DISP2: variants seen among roughly 807,000 people sequenced by gnomAD.
DISP2 encodes the protein dispatched RND transporter family member 2, also known as protein dispatched homolog 2.
Under a neutral mutation model 95.5 loss-of-function variants are expected in DISP2, and 59 were observed. The observed-to-expected ratio is 0.62, with a 90% CI of 0.50 to 0.77. The LOEUF is 0.77. DISP2 is among the 30% of genes least tolerant of loss of function. The pLI is 0.00. For synonymous variants in DISP2, 827 were observed against 815.0 expected, an observed-to-expected ratio of 1.01 and a Z score of -0.25; for missense variants, 1,752 against 1,854.6, an observed-to-expected ratio of 0.94 and a Z score of 1.02.
At chr15:40,362,814 T>C (rs1220774045) in intron 1 of DISP2, among the ~76,000 whole-genome samples, 1 of 152,154 alleles carries the variant, frequency 6.6e-6, no homozygotes, top group African/African-American at 2.4e-5. Flanking sequence ...TCCAAGGCTC[T>C]AAGATGGGAA....
At position 40,358,461 on chromosome 15, in the gene DISP2, G is replaced by C. The variant is rs200405933; in HGVS notation, c.119+21G>C. 6.9e-4 allele frequency: 871 copies of C among 1,266,790 alleles called. 6 individuals are homozygous for C. The African/African-American group carries it at 0.01, about 15-fold the overall frequency. 78.5% of individuals were successfully genotyped at this position (1,266,790 alleles called of 1,614,324 possible). A position where few individuals can be genotyped will look rare whatever the true frequency, so the allele number is the denominator to read the frequency against. On this transcript the variant is annotated intron_variant, in intron 1 of 7. Transcript: ENST00000267889. ...GACAGGTAGGGCGGACAGCTCCGCA[G>C]ATCCGTATCACAGACCCTCCCAGAC... is the stretch of plus-strand genomic sequence containing the variant.
At position 40,369,978 on chromosome 15, in the gene DISP2, T is replaced by C; in HGVS notation, c.3866T>C (p.Leu1289Pro). 1 of 1,613,342 alleles carries C rather than the reference T, an allele frequency of 6.2e-7. No homozygotes were observed. The highest frequency in any genetic ancestry group is 8.5e-7 in the Non-Finnish European group (1 of 1,179,734). ...GGCTTCTGTTCCTCAGCCAGCACCCTGGAGGGGCTCAGCGTCTCTGATGAG... is the reference window on the plus strand; with the variant it reads ...GGCTTCTGTTCCTCAGCCAGCACCCCGGAGGGGCTCAGCGTCTCTGATGAG... ...PDGFCSSAST[L>P]EGLSVSDETC... Residue 1289 changes from leucine to proline, a missense_variant, in exon 8 of 8, where the codon CTG (leucine) becomes CCG (proline). Coordinates refer to ENST00000267889, the MANE Select transcript of DISP2 (RefSeq NM_033510.3).
intron 1 of DISP2, among the ~76,000 whole-genome samples, chr15:40,361,449 A>C (rs1275848748): frequency 6.6e-6 from 1 of 152,216 alleles, no homozygotes; most frequent in African/African-American, 2.4e-5. Flanking sequence ...CATATGTTAC[A>C]TCAGTTAATT....
rs1412836484 is a variant in DISP2, at chr15:40,364,171, C to CA, written c.450-54dup. ...TCCCACCCCACCTCCACCCCCAACA[C>CA]ACGCCCTCTGCAAGAGAACTCTGGC... On this transcript the variant is annotated intron_variant, in intron 2 of 7. Transcript: ENST00000267889. The CA allele has an allele frequency of 3.7e-6, 6 of 1,611,842 alleles. No homozygotes were observed. In the Admixed American group the frequency reaches 5.0e-5, roughly 13 times the overall value.
Position 40,369,542 on chromosome 15 carries a change from G to T in DISP2, c.3430G>T (p.Ala1144Ser). 1 of 1,612,718 alleles carries T rather than the reference G, an allele frequency of 6.2e-7. No individual in the cohort carries two copies. The highest frequency in any genetic ancestry group is 8.5e-7 in the Non-Finnish European group (1 of 1,180,006). The change falls in exon 8 of 8, where the codon GCA (alanine) becomes TCA (serine). Residue 1144 changes from alanine (A) to serine (S), a missense_variant. By Grantham distance (99) the Ala-to-Ser change is moderately conservative. Transcript: ENST00000267889. ...AGTGDPGGEK[A>S]GRPRPGSVGG... is the part of the protein sequence containing the mutation. ...TACTGGGGACCCTGGTGGGGAGAAG[G>T]CAGGCCGCCCACGACCAGGGTCAGT...
rs573671483 is a variant in DISP2 at position 40,370,180 on chromosome 15, C to T, written c.4068C>T (p.Ser1356=). The T allele has an allele frequency of 2.6e-5, 42 of 1,612,188 alleles. No individual in the cohort carries two copies. In the Middle Eastern group the frequency reaches 5.0e-4, roughly 19 times the overall value. ...ETVYDPSLPA[S]HHSSLSWKGR... ...TGTATGACCCATCATTGCCCGCTTC[C>T]CATCACAGCAGCTTGTCCTGGAAGG... Residue 1356 remains serine (S), a synonymous_variant, in exon 8 of 8, where the codon TCC becomes TCT. Coordinates refer to ENST00000267889, the MANE Select transcript of DISP2 (RefSeq NM_033510.3).
Position 40,363,766 on chromosome 15 carries a change from C to G in DISP2, c.261C>G (p.Pro87=), listed in dbSNP as rs748199427. 2.5e-6 allele frequency: 4 copies of G among 1,613,858 alleles called. No individual in the cohort carries two copies. The highest frequency in any genetic ancestry group is 2.2e-5 in the East Asian group (1 of 44,886). ...STLQPVGPSS[P]LAPAHFTYPR... ...TCCAGCCTGTGGGTCCATCCAGCCCCTTGGCCCCTGCCCACTTCACCTATC... is the reference window on the plus strand; with the variant it reads ...TCCAGCCTGTGGGTCCATCCAGCCCGTTGGCCCCTGCCCACTTCACCTATC... The change falls in exon 2 of 8, where the codon CCC becomes CCG. Residue 87 remains proline, a synonymous_variant. Coordinates refer to ENST00000267889, the MANE Select transcript of DISP2 (RefSeq NM_033510.3).
At position 40,368,354 on chromosome 15, in the gene DISP2, C is replaced by T. The variant is rs1014773679; in HGVS notation, c.2242C>T (p.Arg748Cys). Residue 748 changes from arginine (R) to cysteine (C), a missense_variant, in exon 8 of 8, where the codon CGC (arginine) becomes TGC (cysteine). Around this residue, in one of 5 missense-constraint regions of DISP2, gnomAD observed 732 missense variants for 714.6 expected, o/e 1.02. Coordinates refer to ENST00000267889, the MANE Select transcript of DISP2 (RefSeq NM_033510.3). ...QVFRPSHPFE[R>C]FDAEYRQLFL... Reference sequence around the variant, plus strand: ...CTTCCGGCCCAGCCACCCCTTCGAGCGCTTCGACGCGGAGTATCGCCAGCT... The same window carrying T: ...CTTCCGGCCCAGCCACCCCTTCGAGTGCTTCGACGCGGAGTATCGCCAGCT... 40 of 1,605,482 alleles carry T rather than the reference C, an allele frequency of 2.5e-5. No individual in the cohort carries two copies. The highest frequency in any genetic ancestry group is 3.2e-5 in the Non-Finnish European group (38 of 1,178,670).
intron 1 of DISP2, among the ~76,000 whole-genome samples, chr15:40,359,255 C>T (rs993124622): frequency 2.0e-5 from 3 of 152,248 alleles, no homozygotes; most frequent in Non-Finnish European, 4.4e-5. Context: ...TGCCTCTTTC[C>T]TGCCTGGACT....
Position 40,369,449 on chromosome 15 carries a change from T to C in DISP2, c.3337T>C (p.Phe1113Leu), listed in dbSNP as rs1467485957. Residue 1113 changes from phenylalanine to leucine, a missense_variant, in exon 8 of 8, where the codon TTC becomes CTC. Physicochemically the swap from Phe to Leu is conservative, Grantham distance 22 (BLOSUM62 0). Coordinates refer to ENST00000267889, the MANE Select transcript of DISP2 (RefSeq NM_033510.3). ...CTTCTTCTTCCAATCTCTCTGCTGT[T>C]TCTTCGGGCCAGAGAAGAACTGTGG... Reference protein sequence around the residue: ...ASFFFQSLCCFFGPEKNCGQI... With the variant: ...ASFFFQSLCCLFGPEKNCGQI... 1 of 1,613,372 alleles carries C rather than the reference T, an allele frequency of 6.2e-7. No homozygotes were observed. Among genetic ancestry groups the C allele is most frequent in the Non-Finnish European group, 8.5e-7 (1 of 1,180,020 alleles).
rs1173717010 is a variant in DISP2, at chr15:40,372,045, C to G, written c.*1727C>G. On this transcript the variant is annotated 3_prime_UTR_variant, in exon 8 of 8. Coordinates refer to ENST00000267889, the MANE Select transcript of DISP2 (RefSeq NM_033510.3). ...GAAGGGGCCTTGGCGATCGTTTATT[C>G]CAGCAGTTTTCAAATTTTGTAGCCT... 6.6e-6 allele frequency: 1 copy of G among 152,124 alleles called. No homozygotes were observed. Among genetic ancestry groups the G allele is most frequent in the African/African-American group, 2.4e-5 (1 of 41,424 alleles). The allele number at this position is 152,124 out of a possible 1,614,324, so 9.4% of individuals were successfully genotyped here.
rs749244220 is a variant in DISP2 at position 40,369,186 on chromosome 15, C to T, written c.3074C>T (p.Ser1025Leu). ...GCCGAGGCCCTGTTTCTCTCTGCCTCAGTGGGCCTCTCAGTAGACTTCACT... is the reference window on the plus strand; with the variant it reads ...GCCGAGGCCCTGTTTCTCTCTGCCTTAGTGGGCCTCTCAGTAGACTTCACT... Reference protein sequence around the residue: ...NTAEALFLSASVGLSVDFTVN... With the variant: ...NTAEALFLSALVGLSVDFTVN... The change falls in exon 8 of 8, where the codon TCA becomes TTA. Residue 1025 changes from serine to leucine, a missense_variant. Physicochemically the swap from Ser to Leu is moderately radical, Grantham distance 145. Transcript: ENST00000267889. The T allele has an allele frequency of 2.5e-6, 4 of 1,613,868 alleles. No individual in the cohort carries two copies. The highest frequency in any genetic ancestry group is 3.3e-4 in the Middle Eastern group (2 of 6,084).
rs369070555 is a variant in DISP2 at position 40,378,262 on chromosome 15, TA to T, written c.*7945del. 1.3e-5 allele frequency: 2 copies of T among 152,190 alleles called. No homozygotes were observed. The highest frequency in any genetic ancestry group is 2.4e-5 in the African/African-American group (1 of 41,440). The allele number at this position is 152,190 out of a possible 1,614,324, so 9.4% of individuals were successfully genotyped here. ...ATGTACTAAGTAGAGACTAGGAAGATATTTTTAAATACCCACTTTGAATTTT... is the reference window on the plus strand; with the variant it reads ...ATGTACTAAGTAGAGACTAGGAAGATTTTTTAAATACCCACTTTGAATTTT... On this transcript the variant is annotated 3_prime_UTR_variant, in exon 8 of 8. Transcript: ENST00000267889.
rs766495106 is a variant in DISP2, at chr15:40,369,843, C to T, written c.3731C>T (p.Pro1244Leu). 1 of 1,574,320 alleles carries T rather than the reference C, an allele frequency of 6.4e-7. No homozygotes were observed. The highest frequency in any genetic ancestry group is 8.6e-7 in the Non-Finnish European group (1 of 1,157,576). ...CCCTATAAGCAGGCTGGCCCCAGCC[C>T]CAAAACCCGGGCCAGGCAGGACTCC... is the stretch of plus-strand genomic sequence containing the variant. ...SSPYKQAGPS[P>L]KTRARQDSQG... The change falls in exon 8 of 8, where the codon CCC (proline) becomes CTC (leucine). Residue 1244 changes from proline to leucine, a missense_variant. Transcript: ENST00000267889.
rs1284068471 is a variant in DISP2 at position 40,373,952 on chromosome 15, C to T, written c.*3634C>T. 6 of 147,658 alleles carry T rather than the reference C, an allele frequency of 4.1e-5. No homozygotes were observed. In the East Asian group the frequency reaches 1.2e-3, roughly 30 times the overall value. 9.1% of individuals were successfully genotyped at this position (147,658 alleles called of 1,614,324 possible). On this transcript the variant is annotated 3_prime_UTR_variant, in exon 8 of 8. Transcript: ENST00000267889. ...CCAGGAGGCAGAGCTTGCAGTAAGC[C>T]GAGATTGCGCCACTGCACTCCAGCC...
rs1889714199 is a variant in DISP2 at position 40,375,182 on chromosome 15, G to A, written c.*4864G>A. 6.6e-6 allele frequency: 1 copy of A among 152,178 alleles called. No individual in the cohort carries two copies. The highest frequency in any genetic ancestry group is 1.5e-5 in the Non-Finnish European group (1 of 68,044). The allele number at this position is 152,178 out of a possible 1,614,324, so 9.4% of individuals were successfully genotyped here. On this transcript the variant is annotated 3_prime_UTR_variant, in exon 8 of 8. Coordinates refer to ENST00000267889, the MANE Select transcript of DISP2 (RefSeq NM_033510.3). ...CCACTATGTGCTATGTAAATGTCTG[G>A]CCATCCAAAGCCACCTTATGCAGAG...
intron 7 of DISP2, among the ~76,000 whole-genome samples, chr15:40,366,200 C>T (rs986249077): frequency 2.0e-5 from 3 of 152,230 alleles, no homozygotes; most frequent in Non-Finnish European, 4.4e-5. Flanking sequence ...ATCCCAAGTA[C>T]CAAAAGACTG....
chr15:40,368,938 C>A lies in DISP2; in HGVS notation c.2826C>A (p.Leu942=), dbSNP rs200511417. ...AAELGMAPPG[L]RRGWFTSRLE... The stretch of plus-strand genomic sequence containing the variant: ...AGCTGGGCATGGCACCTCCAGGCCT[C>A]CGCCGTGGTTGGTTCACTAGCCGTC... Residue 942 remains leucine (L), a synonymous_variant, in exon 8 of 8, where the codon CTC becomes CTA. Coordinates refer to ENST00000267889, the MANE Select transcript of DISP2 (RefSeq NM_033510.3). 2.2e-5 allele frequency: 35 copies of A among 1,613,826 alleles called. No individual in the cohort carries two copies. Among genetic ancestry groups the A allele is most frequent in the Non-Finnish European group, 5.9e-6 (7 of 1,180,052 alleles).
At position 40,363,691 on chromosome 15, in the gene DISP2, C is replaced by T; in HGVS notation, c.186C>T (p.Pro62=). 1 of 1,604,504 alleles carries T rather than the reference C, an allele frequency of 6.2e-7. No homozygotes were observed. The highest frequency in any genetic ancestry group is 8.5e-7 in the Non-Finnish European group (1 of 1,174,684). Residue 62 remains proline, a synonymous_variant, in exon 2 of 8, where the codon CCC becomes CCT. Coordinates refer to ENST00000267889, the MANE Select transcript of DISP2 (RefSeq NM_033510.3). ...PERSCSLHSC[P]LEDPSSSSGP... ...GAAGCTGCTCCCTCCACAGCTGCCC[C>T]CTGGAGGACCCTTCCAGCTCTTCAG...
Sources: gnomAD v4.1 joint callset for allele counts (sites outside exome capture counted in the v4.1 genomes callset) on GRCh38, gnomAD v4.1.1 for gene constraint, gnomAD v4.1.1 regional missense constraint, MANE v1.5 for transcripts, NCBI Gene and HGNC (gene_info 2026-07-23, HGNC 2026-07-21) for gene names.